The following NPHP4 variants were observed in gnomAD, a reference collection of about 807,000 sequenced individuals.
The protein encoded by NPHP4 is nephrocystin-4.
In NPHP4, 151 loss-of-function variants were observed where a neutral mutation model predicts 155.8. The ratio of observed to expected loss-of-function variants is 0.97; its 90% CI spans 0.85 to 1.11. The LOEUF is 1.11. Ranked by LOEUF, NPHP4 falls within the 50% of genes least tolerant of loss-of-function variation. The pLI is 0.00. For missense variants in NPHP4, 1,956 were observed against 1,925.7 expected, an observed-to-expected ratio of 1.02 and a Z score of -0.29; for synonymous variants, 845 against 816.8, an observed-to-expected ratio of 1.03 and a Z score of -0.59.
At position 5,863,316 on chromosome 1, in the gene NPHP4, G is replaced by GTCATTGATGTAGATCAGGAT; in HGVS notation, c.4210_4229dup (p.Asp1410GlufsTer3). On this transcript the variant is annotated stop_gained and frameshift_variant, in exon 30 of 30. Coordinates refer to ENST00000378156, the MANE Select transcript of NPHP4 (RefSeq NM_015102.5). LOFTEE classifies it high-confidence loss of function. ...ATGCCTCTTCGTTTTTGTCCTCATG[G>GTCATTGATGTAGATCAGGAT]TCATTGATGTAGATCAGGATCTCCT... The GTCATTGATGTAGATCAGGAT allele has an allele frequency of 6.2e-7, 1 of 1,613,992 alleles. No individual in the cohort carries two copies. The highest frequency in any genetic ancestry group is 8.5e-7 in the Non-Finnish European group (1 of 1,179,846).
At chr1:5,988,185 G>A (rs1297455435) in intron 1 of NPHP4, among the ~76,000 whole-genome samples, 4 of 152,226 alleles carry the variant, frequency 2.6e-5, no homozygotes, top group African/African-American at 7.2e-5. Context: ...TCATTCACAT[G>A]GTGGAGACTC....
intron 18 of NPHP4, chr1:5,881,797 G>A (rs2100760204): frequency 6.6e-6 from 1 of 152,392 alleles, no homozygotes; most frequent in African/African-American, 2.4e-5. Flanking sequence ...GTCCAAGCCA[G>A]GCTGGCCTTC....
intron 19 of NPHP4, among the ~76,000 whole-genome samples, chr1:5,879,888 C>G (rs983172692): frequency 6.6e-6 from 1 of 151,674 alleles, no homozygotes; most frequent in Non-Finnish European, 1.5e-5. Context: ...CACAGACACG[C>G]ACACGTGCAC....
Position 5,882,444 on chromosome 1 carries a change from A to C in NPHP4, c.2486-2205T>G, listed in dbSNP as rs1643382565. On this transcript the variant is annotated intron_variant, in intron 18 of 29. Transcript: ENST00000378156. The surrounding 1 kb of genome is among the most constrained non-coding windows in gnomAD (Gnocchi z 5.1). ...GTTCTTGCCAATGTCCCAGTAGCTG[A>C]CACCCCCCGCCTCTTGTTCTTTCTC... The C allele has an allele frequency of 6.5e-6, 1 of 153,082 alleles. No individual in the cohort carries two copies. Among genetic ancestry groups the C allele is most frequent in the Non-Finnish European group, 1.5e-5 (1 of 68,636 alleles). 9.5% of individuals were successfully genotyped at this position (153,082 alleles called of 1,614,324 possible).
At chr1:5,964,941 ATT>A (rs55734317) in intron 5 of NPHP4, among the ~76,000 whole-genome samples, 1 of 59,418 alleles carries the variant, frequency 1.7e-5, no homozygotes, top group Non-Finnish European at 2.9e-5. Flanking sequence ...ATATATATAT[ATT>A]TTTTTTTTTT....
At chr1:5,911,601 G>T (rs1373047782) in intron 11 of NPHP4, among the ~76,000 whole-genome samples, 1 of 152,098 alleles carries the variant, frequency 6.6e-6, no homozygotes, top group Non-Finnish European at 1.5e-5. Context: ...TTTATATCAT[G>T]ACTTATGCAA....
Position 5,866,222 on chromosome 1 carries a change from G to A in NPHP4, c.3644+151C>T, listed in dbSNP as rs371054356. 56 of 696,474 alleles carry A rather than the reference G, an allele frequency of 8.0e-5. 1 individual carries two copies. The highest frequency in any genetic ancestry group is 5.7e-4 in the East Asian group (21 of 36,772). The allele number at this position is 696,474 out of a possible 1,614,324, so 43.1% of individuals were successfully genotyped here. On this transcript the variant is annotated intron_variant, in intron 26 of 29. Transcript: ENST00000378156. ...CTAGACCCCTGCGGGCCCTGAACTC[G>A]CAGCAGAATCCCGCCTCACAAAGCG...
At chr1:5,970,851 G>A (rs1395743929) in intron 3 of NPHP4, among the ~76,000 whole-genome samples, 1 of 151,834 alleles carries the variant, frequency 6.6e-6, no homozygotes, top group Non-Finnish European at 1.5e-5. Context: ...TAAAACATCA[G>A]CCATGAGATA....
chr1:5,896,926 G>A (rs1644423959), intron 16 of NPHP4, among the ~76,000 whole-genome samples: 1 of 152,168 alleles, frequency 6.6e-6, no homozygotes, highest in South Asian at 2.1e-4. Flanking sequence ...CCCATGCATC[G>A]ATGAAGATGC....
intron 11 of NPHP4, among the ~76,000 whole-genome samples, chr1:5,915,228 T>C (rs1645411423): frequency 6.6e-6 from 1 of 152,098 alleles, no homozygotes; most frequent in South Asian, 2.1e-4. Flanking sequence ...GCCTTGGGCC[T>C]TGGGGGTAGA....
Position 5,882,246 on chromosome 1 carries a change from C to CGCTTACCCAGCCAACTCTCAGTGGCGT in NPHP4, c.2486-2008_2486-2007insACGCCACTGAGAGTTGGCTGGGTAAGC, listed in dbSNP as rs1643361650. On this transcript the variant is annotated intron_variant, in intron 18 of 29. Coordinates refer to ENST00000378156, the MANE Select transcript of NPHP4 (RefSeq NM_015102.5). This position sits in a 1 kb window ranked among gnomAD's most constrained non-coding sequence, Gnocchi z 5.1. Reference sequence around the variant, plus strand: ...CTTACCCAGCCATCTCTCAGTGGCGCGCTTACCCAGCCATCTCTCAGTGGC... The same window carrying CGCTTACCCAGCCAACTCTCAGTGGCGT: ...CTTACCCAGCCATCTCTCAGTGGCGCGCTTACCCAGCCAACTCTCAGTGGCGTGCTTACCCAGCCATCTCTCAGTGGC... 1 of 130,826 alleles carries CGCTTACCCAGCCAACTCTCAGTGGCGT rather than the reference C, an allele frequency of 7.6e-6. No individual in the cohort carries two copies. Among genetic ancestry groups the CGCTTACCCAGCCAACTCTCAGTGGCGT allele is most frequent in the African/African-American group, 2.9e-5 (1 of 34,676 alleles). The allele number at this position is 130,826 out of a possible 1,614,324, so 8.1% of individuals were successfully genotyped here.
chr1:5,961,903 C>A lies in NPHP4; in HGVS notation c.564G>T (p.Thr188=). Reference sequence around the variant, plus strand: ...GCTCCAGGGCCGGGTGTGGCTTCAGCGTGTACTGCAGGCTGCAGTTCTCAA... The same window carrying A: ...GCTCCAGGGCCGGGTGTGGCTTCAGAGTGTACTGCAGGCTGCAGTTCTCAA... ...TLIENCSLQY[T]LKPHPALEPA... The change falls in exon 6 of 30, where the codon ACG becomes ACT. Residue 188 remains threonine, a synonymous_variant. Coordinates refer to ENST00000378156, the MANE Select transcript of NPHP4 (RefSeq NM_015102.5). The A allele has an allele frequency of 6.2e-7, 1 of 1,613,406 alleles. No individual in the cohort carries two copies. Among genetic ancestry groups the A allele is most frequent in the Non-Finnish European group, 8.5e-7 (1 of 1,179,388 alleles).
At chr1:5,976,596 T>C (rs1653634508) in intron 3 of NPHP4, among the ~76,000 whole-genome samples, 1 of 152,178 alleles carries the variant, frequency 6.6e-6, no homozygotes, top group African/African-American at 2.4e-5. Context: ...TCATGAAACC[T>C]TTCCTGACAC....
At chr1:5,982,107 CTT>C (rs1015140338) in intron 2 of NPHP4, among the ~76,000 whole-genome samples, 1 of 147,200 alleles carries the variant, frequency 6.8e-6, no homozygotes. Flanking sequence ...TCTGTGTTTT[CTT>C]TTTTTTTTGT....
intron 11 of NPHP4, 77 bp downstream of exon 11, chr1:5,927,572 T>C: frequency 6.2e-6 from 9 of 1,446,228 alleles, no homozygotes; most frequent in Non-Finnish European, 6.7e-6. Context: ...CGTACTAGAC[T>C]AAGTACCTTT....
intron 16 of NPHP4, among the ~76,000 whole-genome samples, chr1:5,897,804 T>C (rs1476664632): frequency 1.3e-5 from 2 of 152,226 alleles, no homozygotes; most frequent in East Asian, 1.9e-4. Flanking sequence ...GATACTAGAA[T>C]TGCACATATA....
intron 13 of NPHP4, among the ~76,000 whole-genome samples, chr1:5,906,350 C>T (rs998772742): frequency 3.3e-5 from 5 of 152,244 alleles, no homozygotes; most frequent in African/African-American, 1.2e-4. Flanking sequence ...CAGAGAGGAG[C>T]TGGCTTGGGA....
At chr1:5,894,607 A>G (rs992360474) in intron 16 of NPHP4, among the ~76,000 whole-genome samples, 1 of 152,338 alleles carries the variant, frequency 6.6e-6, no homozygotes, top group South Asian at 2.1e-4. Flanking sequence ...TTAAGGCAGT[A>G]ATCACAGGAA....
intron 2 of NPHP4, among the ~76,000 whole-genome samples, chr1:5,981,619 TC>T (rs1654713992): frequency 6.6e-6 from 1 of 152,158 alleles, no homozygotes; most frequent in Admixed American, 6.5e-5. Flanking sequence ...AGCTATCAAT[TC>T]TCAAAACAAC....
Sources: gnomAD v4.1 joint callset for allele counts (sites outside exome capture counted in the v4.1 genomes callset) on GRCh38, gnomAD v4.1.1 for gene constraint, Gnocchi (gnomAD v3.1) non-coding constraint, MANE v1.5 for transcripts, NCBI Gene and HGNC (gene_info 2026-07-23, HGNC 2026-07-21) for gene names.